The following FAT3 variants were observed in gnomAD, a reference collection of about 807,000 sequenced individuals.
FAT3 encodes protocadherin Fat 3.
A neutral mutation model predicts 310.2 loss-of-function variants in FAT3; 95 were observed. The observed-to-expected ratio is 0.31, with a 90% CI of 0.26 to 0.36. The LOEUF is 0.36. Among genes scored for constraint, FAT3 ranks in the 10% least tolerant of loss-of-function variants. The pLI is 1.00. For missense variants in FAT3, 5,408 were observed against 5,715.6 expected (o/e 0.95, Z 1.74); for synonymous variants, 2,314 against 2,192.9 (o/e 1.06, Z -1.54).
chr11:92,798,397 C>T lies in FAT3; in HGVS notation c.5384C>T (p.Pro1795Leu). 6.2e-7 allele frequency: 1 copy of T among 1,613,124 alleles called. No homozygotes were observed. Among genetic ancestry groups the T allele is most frequent in the Non-Finnish European group, 8.5e-7 (1 of 1,179,730 alleles). ...NSIVRSLDNS[P>L]LVIRATDADS... ...ATTGTCAGGAGCTTGGATAACAGCCCACTGGTGATTCGAGCCACAGATGCT... is the reference window on the plus strand; with the variant it reads ...ATTGTCAGGAGCTTGGATAACAGCCTACTGGTGATTCGAGCCACAGATGCT... The change falls in exon 10 of 28, where the codon CCA (proline) becomes CTA (leucine). Residue 1795 changes from proline (P) to leucine (L), a missense_variant. Around this residue, in one of 5 missense-constraint regions of FAT3, gnomAD observed 4,588 missense variants for 4,809.8 expected, o/e 0.95. Transcript: ENST00000525166.
chr11:92,713,594 G>T lies in FAT3; in HGVS notation c.3669+16149G>T, dbSNP rs139360251. Among the ~76,000 whole-genome samples, 688 of 152,076 alleles carry T rather than the reference G, an allele frequency of 4.5e-3. 4 individuals are homozygous for T. Among genetic ancestry groups the T allele is most frequent in the African/African-American group, 0.016 (659 of 41,504 alleles). ...CTGTACTTTAATTTTTTCTCTATTTGTATCTAGATTTGTTTAAAAATAGGA... is the reference window on the plus strand; with the variant it reads ...CTGTACTTTAATTTTTTCTCTATTTTTATCTAGATTTGTTTAAAAATAGGA... On this transcript the variant is annotated intron_variant, in intron 4 of 27. Transcript: ENST00000525166.
intron 2 of FAT3, among the ~76,000 whole-genome samples, chr11:92,497,823 C>T (rs147626072): frequency 8.5e-4 from 129 of 152,078 alleles, no homozygotes; most frequent in African/African-American, 2.9e-3. Flanking sequence ...GATGGAGCCT[C>T]GGATGAGGTG....
At chr11:92,539,748 G>A (rs916709036) in intron 3 of FAT3, among the ~76,000 whole-genome samples, 1 of 152,178 alleles carries the variant, frequency 6.6e-6, no homozygotes, top group Non-Finnish European at 1.5e-5. Flanking sequence ...CCAGATAACT[G>A]ATGTTTAACA....
At chr11:92,472,309 C>T (rs576356737) in intron 2 of FAT3, among the ~76,000 whole-genome samples, 1 of 152,236 alleles carries the variant, frequency 6.6e-6, no homozygotes, top group East Asian at 1.9e-4. Context: ...CTGACCAACA[C>T]TGACTGCCCC....
intron 3 of FAT3, among the ~76,000 whole-genome samples, chr11:92,664,652 T>C (rs974721726): frequency 1.3e-5 from 2 of 152,116 alleles, no homozygotes; most frequent in African/African-American, 4.8e-5. Flanking sequence ...TAAAGAAAAA[T>C]AATTACCAGT....
intron 3 of FAT3, among the ~76,000 whole-genome samples, 159 bp downstream of exon 3, chr11:92,525,107 G>A (rs1953814939): frequency 6.6e-6 from 1 of 152,084 alleles, no homozygotes; most frequent in African/African-American, 2.4e-5. Flanking sequence ...CTGCCTATGT[G>A]GTATGTTTTA....
chr11:92,633,301 TCA>T (rs1304139568), intron 3 of FAT3, among the ~76,000 whole-genome samples: 1 of 152,108 alleles, frequency 6.6e-6, no homozygotes, highest in Non-Finnish European at 1.5e-5. Flanking sequence ...TCACTTGGGC[TCA>T]GTCTTTTTTT....
intron 3 of FAT3, among the ~76,000 whole-genome samples, chr11:92,650,989 G>A (rs1317143539): frequency 6.6e-6 from 1 of 152,214 alleles, no homozygotes; most frequent in Non-Finnish European, 1.5e-5. Context: ...TCTGGAGTAA[G>A]CATTCCTTCG....
chr11:92,616,206 G>C (rs1448598992), intron 3 of FAT3, among the ~76,000 whole-genome samples: 1 of 152,072 alleles, frequency 6.6e-6, no homozygotes, highest in Non-Finnish European at 1.5e-5. Flanking sequence ...TCTTCTTGTT[G>C]AATTGATCCC....
intron 3 of FAT3, among the ~76,000 whole-genome samples, chr11:92,616,356 T>C (rs1817677403): frequency 7.4e-6 from 1 of 135,072 alleles, no homozygotes; most frequent in African/African-American, 3.1e-5. Flanking sequence ...TCCCTTTATT[T>C]TGAGCCTGTG....
At chr11:92,271,810 A>G (rs747145204) in intron 1 of FAT3, among the ~76,000 whole-genome samples, 13 of 152,166 alleles carry the variant, frequency 8.5e-5, no homozygotes, top group Non-Finnish European at 1.3e-4. Context: ...GCCAGATCCC[A>G]TCAATCTTTT....
rs1949952508 is a variant in FAT3 at position 92,893,147 on chromosome 11, G to GACTCATAAAA, written c.*2035_*2036insCTCATAAAAA. 1 of 149,796 alleles carries GACTCATAAAA rather than the reference G, an allele frequency of 6.7e-6. No homozygotes were observed. The highest frequency in any genetic ancestry group is 2.1e-4 in the South Asian group (1 of 4,716). 9.3% of individuals were successfully genotyped at this position (149,796 alleles called of 1,614,324 possible). On this transcript the variant is annotated 3_prime_UTR_variant, in exon 28 of 28. Coordinates refer to ENST00000525166, the MANE Select transcript of FAT3 (RefSeq NM_001367949.2). ...TTCTTTTTTATGAGTCAGTGTTTCT[G>GACTCATAAAA]AATGTTTATGCAAAAAAAAAAATCC... is the stretch of plus-strand genomic sequence containing the variant.
chr11:92,710,148 T>C (rs954260779), intron 4 of FAT3, among the ~76,000 whole-genome samples: 3 of 152,222 alleles, frequency 2.0e-5, no homozygotes, highest in African/African-American at 7.2e-5. Context: ...TACTCATTAG[T>C]AGCCCTCTTA....
At chr11:92,283,438 C>G (rs189805042) in intron 1 of FAT3, among the ~76,000 whole-genome samples, 2 of 152,126 alleles carry the variant, frequency 1.3e-5, no homozygotes, top group Non-Finnish European at 2.9e-5. Flanking sequence ...CTGGTTCTAT[C>G]GGTACACTGG....
intron 2 of FAT3, among the ~76,000 whole-genome samples, chr11:92,356,820 A>C (rs1029833200): frequency 6.6e-6 from 1 of 152,210 alleles, no homozygotes; most frequent in Admixed American, 6.5e-5. Context: ...CACTATAGAC[A>C]TACTAACTGT....
chr11:92,303,651 T>A (rs1160463086), intron 1 of FAT3, among the ~76,000 whole-genome samples: 1 of 152,128 alleles, frequency 6.6e-6, no homozygotes, highest in African/African-American at 2.4e-5. Flanking sequence ...GAGCAATAAA[T>A]GTATTGTTGT....
At chr11:92,361,852 C>G (rs1948890380) in intron 2 of FAT3, among the ~76,000 whole-genome samples, 1 of 152,236 alleles carries the variant, frequency 6.6e-6, no homozygotes, top group Non-Finnish European at 1.5e-5. Context: ...GCACCAGGCA[C>G]TAGTGACACA....
At chr11:92,277,087 A>G (rs1946293420) in intron 1 of FAT3, among the ~76,000 whole-genome samples, 1 of 152,080 alleles carries the variant, frequency 6.6e-6, no homozygotes, top group Admixed American at 6.6e-5. Flanking sequence ...TGTTGTTTTC[A>G]AACTTGCTGA....
chr11:92,319,184 C>T (rs527628378), intron 1 of FAT3, among the ~76,000 whole-genome samples: 75 of 152,238 alleles, frequency 4.9e-4, no homozygotes, highest in African/African-American at 1.8e-3. Context: ...GAGTAATCAG[C>T]GTGTTTCACA....
Sources: gnomAD v4.1 joint callset for allele counts (sites outside exome capture counted in the v4.1 genomes callset) on GRCh38, gnomAD v4.1.1 for gene constraint, gnomAD v4.1.1 regional missense constraint, MANE v1.5 for transcripts, NCBI Gene and HGNC (gene_info 2026-07-23, HGNC 2026-07-21) for gene names.